The following DSCAM variants were observed in gnomAD, a reference collection of about 807,000 sequenced individuals.
The protein encoded by DSCAM is cell adhesion molecule DSCAM.
DSCAM carries 47 observed loss-of-function variants against 217.7 expected under a neutral mutation model. That is an observed-to-expected ratio of 0.22 (90% CI 0.17 to 0.28). The LOEUF (loss-of-function observed/expected upper bound fraction) is 0.28. DSCAM is among the 10% of genes least tolerant of loss of function. The pLI, the probability that DSCAM is intolerant of heterozygous loss-of-function variation, is 1.00. For synonymous variants in DSCAM, 1,056 were observed against 1,015.3 expected (o/e 1.04, Z -0.76); for missense variants, 2,080 against 2,618.3 (o/e 0.79, Z 4.49).
chr21:40,470,487 G>A (rs1282977777), intron 3 of DSCAM, among the ~76,000 whole-genome samples: 2 of 152,288 alleles, frequency 1.3e-5, no homozygotes, highest in Non-Finnish European at 2.9e-5. Flanking sequence ...CTTCTCCAGC[G>A]CCTTCAACTG....
chr21:40,726,742 A>G (rs1030898260), intron 1 of DSCAM, among the ~76,000 whole-genome samples: 5 of 152,152 alleles, frequency 3.3e-5, no homozygotes, highest in Admixed American at 6.5e-5. Context: ...ACTCATGTTG[A>G]AATTTAATCC....
chr21:40,051,479 T>A (rs2088929868), intron 30 of DSCAM, among the ~76,000 whole-genome samples: 1 of 152,178 alleles, frequency 6.6e-6, no homozygotes. Context: ...GAATCTTGGT[T>A]TTACTACTTA....
chr21:40,293,561 G>T (rs1331292738), intron 10 of DSCAM, among the ~76,000 whole-genome samples: 1 of 152,160 alleles, frequency 6.6e-6, no homozygotes, highest in Non-Finnish European at 1.5e-5. Flanking sequence ...TTAGATAAAC[G>T]TAATTATTGA....
intron 11 of DSCAM, among the ~76,000 whole-genome samples, chr21:40,206,017 A>G (rs1367463150): frequency 1.3e-5 from 2 of 152,190 alleles, no homozygotes; most frequent in Non-Finnish European, 2.9e-5. Flanking sequence ...TGGCAGCAGC[A>G]CCTGCTTCCT....
chr21:40,669,858 ACTGCGCC>A (rs2090251454), intron 3 of DSCAM, among the ~76,000 whole-genome samples: 1 of 152,122 alleles, frequency 6.6e-6, no homozygotes. Flanking sequence ...GGCATGAGCT[ACTGCGCC>A]CGACCATGTT....
At position 40,502,952 on chromosome 21, in the gene DSCAM, T is replaced by C. The variant is rs548809924; in HGVS notation, c.509-133707A>G. 2.0e-5 allele frequency among the ~76,000 whole-genome samples: 3 copies of C among 152,292 alleles called. No homozygotes were observed. The East Asian group carries it at 5.8e-4, about 29-fold the overall frequency. On this transcript the variant is annotated intron_variant, in intron 3 of 32. Coordinates refer to ENST00000400454, the MANE Select transcript of DSCAM (RefSeq NM_001389.5). ...CAAAACTATCCTGAGGAGAGTTCCA[T>C]GGGCTCCATGAGTTTGCCAGAGAGC...
At chr21:40,635,643 T>C (rs1461075334) in intron 3 of DSCAM, among the ~76,000 whole-genome samples, 1 of 152,158 alleles carries the variant, frequency 6.6e-6, no homozygotes, top group Non-Finnish European at 1.5e-5. Context: ...GGACAGTTAT[T>C]TCAAGTACAC....
intron 3 of DSCAM, among the ~76,000 whole-genome samples, chr21:40,678,463 A>C (rs1190182250): frequency 1.3e-5 from 2 of 152,144 alleles, no homozygotes; most frequent in Non-Finnish European, 2.9e-5. Context: ...TTCTCCGATG[A>C]GAAATCGGAG....
Position 40,353,727 on chromosome 21 carries a change from G to C in DSCAM, c.672C>G (p.Ala224=), listed in dbSNP as rs1391539689. 6.4e-7 allele frequency: 1 copy of C among 1,558,824 alleles called. No homozygotes were observed. The highest frequency in any genetic ancestry group is 8.6e-7 in the Non-Finnish European group (1 of 1,159,244). ...GGTCAAACCCATCCAGTATGGATGG[G>C]GCTGAGTTCGCTGGGTCTGTAGAAG... ...RLFVSDPANS[A]PSILDGFDHR... The change falls in exon 5 of 33, where the codon GCC becomes GCG. Residue 224 remains alanine, a synonymous_variant. Transcript: ENST00000400454.
chr21:40,595,827 C>T lies in DSCAM; in HGVS notation c.508+96983G>A, dbSNP rs145452481. 5.0e-3 allele frequency among the ~76,000 whole-genome samples: 756 copies of T among 152,302 alleles called. 6 individuals are homozygous for T. The highest frequency in any genetic ancestry group is 6.8e-3 in the Middle Eastern group (2 of 294). ...TGTAGCATTACTACAGTCTTTGGATCCAAACATCGCGAATGAGAAATGCTT... is the reference window on the plus strand; with the variant it reads ...TGTAGCATTACTACAGTCTTTGGATTCAAACATCGCGAATGAGAAATGCTT... On this transcript the variant is annotated intron_variant, in intron 3 of 32. Coordinates refer to ENST00000400454, the MANE Select transcript of DSCAM (RefSeq NM_001389.5).
At chr21:40,571,185 T>C (rs2146203573) in intron 3 of DSCAM, among the ~76,000 whole-genome samples, 1 of 151,924 alleles carries the variant, frequency 6.6e-6, no homozygotes, top group East Asian at 1.9e-4. Context: ...GATGAGTTCC[T>C]CACAATGGAA....
intron 3 of DSCAM, among the ~76,000 whole-genome samples, chr21:40,691,797 G>A (rs1030824228): frequency 2.0e-5 from 3 of 152,174 alleles, no homozygotes; most frequent in Non-Finnish European, 4.4e-5. Flanking sequence ...GTGCTATGAT[G>A]GCAATGTATT....
intron 3 of DSCAM, among the ~76,000 whole-genome samples, chr21:40,584,662 C>G (rs1438625329): frequency 3.3e-5 from 5 of 152,134 alleles, no homozygotes; most frequent in Non-Finnish European, 7.4e-5. Flanking sequence ...TGGCAGCTCC[C>G]TGGAAGCCCT....
At chr21:40,500,059 G>A (rs55992549) in intron 3 of DSCAM, among the ~76,000 whole-genome samples, 13,477 of 152,082 alleles carry the variant, frequency 0.089, 702 homozygotes, top group Middle Eastern at 0.16. Flanking sequence ...GATTACAGGC[G>A]TCAGGCGTGA....
chr21:40,042,364 C>T lies in DSCAM; in HGVS notation c.5686+7G>A. On this transcript the variant is annotated splice_region_variant and intron_variant, in intron 32 of 32. Transcript: ENST00000400454. Reference sequence around the variant, plus strand: ...GCGACGGCCCCCAGGTGGCCTTGCTCACCTACCTGGCCGATGTGCCTTTGG... The same window carrying T: ...GCGACGGCCCCCAGGTGGCCTTGCTTACCTACCTGGCCGATGTGCCTTTGG... 6.2e-7 allele frequency: 1 copy of T among 1,611,992 alleles called. No individual in the cohort carries two copies. Among genetic ancestry groups the T allele is most frequent in the Non-Finnish European group, 8.5e-7 (1 of 1,178,730 alleles).
intron 5 of DSCAM, 27 bp from the exon 6 acceptor site, chr21:40,347,972 A>G (rs1251498569): frequency 1.3e-6 from 2 of 1,593,842 alleles, no homozygotes; most frequent in Non-Finnish European, 1.7e-6. Flanking sequence ...GAGAGAGAGA[A>G]AAAAGATAAA....
rs552017202 is a variant in DSCAM, at chr21:40,489,759, G to A, written c.509-120514C>T. Among the ~76,000 whole-genome samples, 24 of 108,622 alleles carry A rather than the reference G, an allele frequency of 2.2e-4. 1 individual carries two copies. The South Asian group carries it at 4.1e-3, about 18-fold the overall frequency. 71.3% of individuals were successfully genotyped at this position (108,622 alleles called of 152,430 possible). A position where few individuals can be genotyped will look rare whatever the true frequency, so the allele number is the denominator to read the frequency against. ...CACTGCACTCCAGCCTGGGCGACAG[G>A]GCGAGACTCCGTCTCAAAAAAAAAA... is the stretch of plus-strand genomic sequence containing the variant. On this transcript the variant is annotated intron_variant, in intron 3 of 32. Coordinates refer to ENST00000400454, the MANE Select transcript of DSCAM (RefSeq NM_001389.5).
At chr21:40,209,643 C>T (rs1342298994) in intron 11 of DSCAM, among the ~76,000 whole-genome samples, 1 of 152,152 alleles carries the variant, frequency 6.6e-6, no homozygotes, top group Non-Finnish European at 1.5e-5. Context: ...CTATTCCTGT[C>T]CCAGGCTCCT....
chr21:40,756,558 A>AT (rs148771867), intron 1 of DSCAM, among the ~76,000 whole-genome samples: 43,381 of 150,742 alleles, frequency 0.29, 7,147 homozygotes, highest in East Asian at 0.37. Flanking sequence ...TGCCCAGCTA[A>AT]TTTTTGTATT....
Sources: gnomAD v4.1 joint callset for allele counts (sites outside exome capture counted in the v4.1 genomes callset) on GRCh38, gnomAD v4.1.1 for gene constraint, MANE v1.5 for transcripts, NCBI Gene and HGNC (gene_info 2026-07-23, HGNC 2026-07-21) for gene names.